SLC4A7: variants seen among roughly 807,000 people sequenced by gnomAD.
SLC4A7 encodes sodium bicarbonate cotransporter 3.
A neutral mutation model predicts 137.6 loss-of-function variants in SLC4A7; 51 were observed. The ratio of observed to expected loss-of-function variants is 0.37; its 90% CI spans 0.30 to 0.47. The LOEUF is 0.47. SLC4A7 is among the 20% of genes least tolerant of loss of function. The probability of loss-of-function intolerance (pLI) is 1.00; values close to 1 mark genes in which losing one functional copy is unlikely to be tolerated. For synonymous variants in SLC4A7, 542 were observed against 518.6 expected (o/e 1.05, Z -0.61); for missense variants, 1,247 against 1,525.4 (o/e 0.82, Z 3.04).
At position 27,431,360 on chromosome 3, in the gene SLC4A7, T is replaced by A; in HGVS notation, c.1088A>T (p.Asp363Val). 1 of 1,613,088 alleles carries A rather than the reference T, an allele frequency of 6.2e-7. No individual in the cohort carries two copies. Among genetic ancestry groups the A allele is most frequent in the Non-Finnish European group, 8.5e-7 (1 of 1,179,490 alleles). Reference sequence around the variant, plus strand: ...CTCGCCTTTCAGCGCTGCTTCTAAGTCTTCCTCAGGCGGATGAATTACTAC... The same window carrying A: ...CTCGCCTTTCAGCGCTGCTTCTAAGACTTCCTCAGGCGGATGAATTACTAC... ...PTVVIHPPEEDLEAALKGEEQ... is the reference protein window; with the variant it reads ...PTVVIHPPEEVLEAALKGEEQ... Residue 363 changes from aspartate (D) to valine (V), a missense_variant, in exon 7 of 26, where the codon GAC (aspartate) becomes GTC (valine). Asp to Val is a radical substitution (Grantham distance 152, BLOSUM62 -3). Around this residue, in one of 6 missense-constraint regions of SLC4A7, gnomAD observed 499 missense variants for 664.2 expected, o/e 0.75. Transcript: ENST00000454389.
intron 1 of SLC4A7, among the ~76,000 whole-genome samples, chr3:27,482,827 T>C (rs938309342): frequency 6.6e-6 from 1 of 152,194 alleles, no homozygotes; most frequent in East Asian, 1.9e-4. Context: ...AGTATTCCAT[T>C]ACCATCACTG....
intron 1 of SLC4A7, among the ~76,000 whole-genome samples, chr3:27,464,048 TG>T (rs2058841604): frequency 6.6e-6 from 1 of 152,048 alleles, no homozygotes; most frequent in African/African-American, 2.4e-5. Context: ...TAACCAGGCG[TG>T]CCTGTTATCC....
In SLC4A7 at chr3:27,419,954, C is replaced by T. The variant is rs929854057; in HGVS notation, c.1512+746G>A. Among the ~76,000 whole-genome samples, 19 of 151,844 alleles carry T rather than the reference C, an allele frequency of 1.3e-4. No homozygotes were observed. In the East Asian group the frequency reaches 3.0e-3, roughly 24 times the overall value. On this transcript the variant is annotated intron_variant, in intron 10 of 25. Transcript: ENST00000454389. Reference sequence around the variant, plus strand: ...CTGTAATCCCAGCACTTTGGGAGGCCGAGGCGGGCAGATCACAAGGTCAGG... The same window carrying T: ...CTGTAATCCCAGCACTTTGGGAGGCTGAGGCGGGCAGATCACAAGGTCAGG...
intron 11 of SLC4A7, among the ~76,000 whole-genome samples, chr3:27,414,432 C>T (rs910686968): frequency 5.9e-5 from 9 of 152,014 alleles, no homozygotes; most frequent in Admixed American, 5.2e-4. Context: ...CATGAACAGT[C>T]GAACATATAT....
At chr3:27,387,898 T>A (rs1438256288) in intron 22 of SLC4A7, among the ~76,000 whole-genome samples, 1 of 152,150 alleles carries the variant, frequency 6.6e-6, no homozygotes, top group Admixed American at 6.5e-5. Flanking sequence ...ACATACTGCC[T>A]CTGGTTTGTG....
chr3:27,372,741 T>G lies in SLC4A7; in HGVS notation c.*4023A>C, dbSNP rs1315479589. The G allele has an allele frequency of 1.3e-5, 2 of 152,612 alleles. No homozygotes were observed. Among genetic ancestry groups the G allele is most frequent in the African/African-American group, 4.8e-5 (2 of 41,440 alleles). The allele number at this position is 152,612 out of a possible 1,614,324, so 9.5% of individuals were successfully genotyped here. Reference sequence around the variant, plus strand: ...CAACAACTAATTAAGTAGACTTTTATTGCTCAATCAACTTCAGTAACATCT... The same window carrying G: ...CAACAACTAATTAAGTAGACTTTTAGTGCTCAATCAACTTCAGTAACATCT... On this transcript the variant is annotated 3_prime_UTR_variant, in exon 26 of 26. Transcript: ENST00000454389.
chr3:27,450,763 T>C (rs2058023123), intron 2 of SLC4A7, among the ~76,000 whole-genome samples: 1 of 152,128 alleles, frequency 6.6e-6, no homozygotes, highest in South Asian at 2.1e-4. Context: ...TAGTGTCCTC[T>C]GTTTTAATCT....
chr3:27,444,187 C>T (rs1227966833), intron 3 of SLC4A7, among the ~76,000 whole-genome samples: 1 of 152,162 alleles, frequency 6.6e-6, no homozygotes, highest in African/African-American at 2.4e-5. Flanking sequence ...TAATTGTGGA[C>T]TGATCTATTT....
intron 5 of SLC4A7, among the ~76,000 whole-genome samples, chr3:27,435,018 C>T (rs532056322): frequency 3.5e-4 from 53 of 152,200 alleles, no homozygotes; most frequent in African/African-American, 1.2e-3. Flanking sequence ...TATTCCCAAC[C>T]TTAATTTTTC....
chr3:27,399,919 A>G (rs1470936015), intron 16 of SLC4A7, among the ~76,000 whole-genome samples: 1 of 152,216 alleles, frequency 6.6e-6, no homozygotes, highest in African/African-American at 2.4e-5. Context: ...ACACGTGGCT[A>G]ATGGCTACTG....
chr3:27,375,338 T>C lies in SLC4A7; in HGVS notation c.*1426A>G, dbSNP rs1247648726. 2.0e-5 allele frequency: 3 copies of C among 152,148 alleles called. No homozygotes were observed. Among genetic ancestry groups the C allele is most frequent in the South Asian group, 4.1e-4 (2 of 4,834 alleles). The allele number at this position is 152,148 out of a possible 1,614,324, so 9.4% of individuals were successfully genotyped here. A position where few individuals can be genotyped will look rare whatever the true frequency, so the allele number is the denominator to read the frequency against. ...TGGCTTCTCAATACTCATTTGATTT[T>C]TGTAAATTATTCTCTTGTCAAATCA... On this transcript the variant is annotated 3_prime_UTR_variant, in exon 26 of 26. Transcript: ENST00000454389.
At chr3:27,398,772 A>C (rs1426089793) in intron 16 of SLC4A7, among the ~76,000 whole-genome samples, 1 of 152,218 alleles carries the variant, frequency 6.6e-6, no homozygotes, top group African/African-American at 2.4e-5. Flanking sequence ...ATAGAAAATT[A>C]ATACTATGCT....
intron 18 of SLC4A7, among the ~76,000 whole-genome samples, chr3:27,395,989 A>G (rs892470700): frequency 1.3e-5 from 2 of 152,220 alleles, no homozygotes; most frequent in Admixed American, 6.5e-5. Context: ...ATACTAATAC[A>G]TTTTGACAGT....
chr3:27,459,998 C>T (rs1028920357), intron 1 of SLC4A7, among the ~76,000 whole-genome samples: 1 of 146,138 alleles, frequency 6.8e-6, no homozygotes, highest in Non-Finnish European at 1.5e-5. Context: ...TATACACACA[C>T]ACACACACAC....
In SLC4A7 at chr3:27,402,384, C is replaced by G. The variant is rs998849710; in HGVS notation, c.2321+755G>C. ...AAAACGAAAACACATATTGAATGTACTGAAATAACTTTCAGTAAAAATTAT... is the reference window on the plus strand; with the variant it reads ...AAAACGAAAACACATATTGAATGTAGTGAAATAACTTTCAGTAAAAATTAT... On this transcript the variant is annotated intron_variant, in intron 15 of 25. Coordinates refer to ENST00000454389, the MANE Select transcript of SLC4A7 (RefSeq NM_001321103.2). 3.3e-5 allele frequency among the ~76,000 whole-genome samples: 5 copies of G among 151,920 alleles called. 1 individual carries two copies. The highest frequency in any genetic ancestry group is 2.1e-4 in the South Asian group (1 of 4,822).
Position 27,484,059 on chromosome 3 carries a change from GC to G in SLC4A7, c.60+7del. The G allele has an allele frequency of 7.2e-7, 1 of 1,396,936 alleles. No individual in the cohort carries two copies. The highest frequency in any genetic ancestry group is 1.5e-5 in the South Asian group (1 of 67,202). 86.5% of individuals were successfully genotyped at this position (1,396,936 alleles called of 1,614,324 possible). On this transcript the variant is annotated splice_region_variant and intron_variant, in intron 1 of 25. Coordinates refer to ENST00000454389, the MANE Select transcript of SLC4A7 (RefSeq NM_001321103.2). ...TGCGGAGGAGCCCCACCGCCGCGGC[GC>G]CCTCACCCTGCTCGTTACCCGGGTG...
At chr3:27,426,656 A>C (rs2055660613) in intron 7 of SLC4A7, among the ~76,000 whole-genome samples, 1 of 152,176 alleles carries the variant, frequency 6.6e-6, no homozygotes, top group African/African-American at 2.4e-5. Context: ...ATAATGAAGA[A>C]CTCAACATTG....
chr3:27,479,648 T>C (rs1421544480), intron 1 of SLC4A7, among the ~76,000 whole-genome samples: 4 of 152,204 alleles, frequency 2.6e-5, no homozygotes, highest in Non-Finnish European at 5.9e-5. Context: ...CAAATAGTCC[T>C]AAATTTTTCC....
intron 1 of SLC4A7, among the ~76,000 whole-genome samples, chr3:27,470,583 T>C (rs2059197169): frequency 6.6e-6 from 1 of 151,412 alleles, no homozygotes; most frequent in South Asian, 2.1e-4. Flanking sequence ...GTTTTCCAAC[T>C]TGTTTTAAGA....
Sources: allele counts gnomAD v4.1 joint callset (sites outside exome capture counted in the v4.1 genomes callset), GRCh38; gene constraint gnomAD v4.1.1; regional missense constraint gnomAD v4.1.1; transcripts MANE v1.5; gene names NCBI Gene and HGNC (gene_info 2026-07-23, HGNC 2026-07-21).